MTUS2: variants seen among roughly 807,000 people sequenced by gnomAD.
MTUS2 encodes the protein microtubule-associated tumor suppressor candidate 2.
Under a neutral mutation model 114.1 loss-of-function variants are expected in MTUS2, and 40 were observed. That is an observed-to-expected ratio of 0.35 (90% CI 0.27 to 0.46). The LOEUF (loss-of-function observed/expected upper bound fraction) is 0.46, where lower values mean the gene tolerates loss of function less well. Among genes scored for constraint, MTUS2 ranks in the 20% least tolerant of loss-of-function variants. The pLI is 1.00. For synonymous variants in MTUS2, 688 were observed against 672.0 expected, an observed-to-expected ratio of 1.02 and a Z score of -0.37; for missense variants, 1,679 against 1,705.4, an observed-to-expected ratio of 0.98 and a Z score of 0.27.
At chr13:29,387,346 C>G (rs919837170) in intron 8 of MTUS2, among the ~76,000 whole-genome samples, 3 of 152,124 alleles carry the variant, frequency 2.0e-5, no homozygotes, top group Non-Finnish European at 4.4e-5. Context: ...GCTTCAGCAC[C>G]AAGCCCTGCG....
At chr13:29,463,764 C>G (rs1879687755) in intron 9 of MTUS2, among the ~76,000 whole-genome samples, 1 of 152,248 alleles carries the variant, frequency 6.6e-6, no homozygotes, top group South Asian at 2.1e-4. Context: ...TTCGGGGGGC[C>G]GAGGCGGGCA....
intron 6 of MTUS2, among the ~76,000 whole-genome samples, chr13:29,316,327 T>TG (rs1230620704): frequency 6.6e-6 from 1 of 151,814 alleles, no homozygotes; most frequent in Non-Finnish European, 1.5e-5. Context: ...GATGGAGATT[T>TG]TTTTACCAAA....
intron 5 of MTUS2, among the ~76,000 whole-genome samples, chr13:29,149,148 C>T (rs1248769658): frequency 6.6e-6 from 1 of 152,190 alleles, no homozygotes; most frequent in Non-Finnish European, 1.5e-5. Flanking sequence ...TTCTCACCAA[C>T]AGTGTAAAGG....
chr13:29,246,674 A>G (rs1896936849), intron 5 of MTUS2, among the ~76,000 whole-genome samples: 2 of 152,200 alleles, frequency 1.3e-5, no homozygotes, highest in Admixed American at 1.3e-4. Context: ...TTTTAAAGCA[A>G]TGGAGTCAAG....
chr13:28,982,055 A>G (rs1004817312), intron 2 of MTUS2, among the ~76,000 whole-genome samples: 9 of 152,204 alleles, frequency 5.9e-5, no homozygotes, highest in African/African-American at 2.2e-4. Context: ...GTGACAGAGG[A>G]TGCCAGTTAA....
chr13:29,468,862 C>A (rs1397766715), intron 9 of MTUS2, among the ~76,000 whole-genome samples: 1 of 152,158 alleles, frequency 6.6e-6, no homozygotes, highest in Non-Finnish European at 1.5e-5. Context: ...CCTCATGTCA[C>A]TGGGACATGA....
chr13:29,383,750 C>T (rs112463048), intron 8 of MTUS2, among the ~76,000 whole-genome samples: 4 of 92,256 alleles, frequency 4.3e-5, no homozygotes, highest in African/African-American at 1.2e-4. Context: ...CGGACTGTGC[C>T]AAGGGAGGGC....
intron 2 of MTUS2, among the ~76,000 whole-genome samples, chr13:28,917,664 A>C (rs546823699): frequency 6.6e-6 from 1 of 151,616 alleles, no homozygotes; most frequent in East Asian, 1.9e-4. Context: ...TTATTCTTTC[A>C]AAAAACCAAG....
chr13:29,130,798 G>C (rs948068769), intron 5 of MTUS2, among the ~76,000 whole-genome samples: 17 of 151,912 alleles, frequency 1.1e-4, no homozygotes, highest in Non-Finnish European at 2.5e-4. Context: ...GCTAATTTTT[G>C]TATTTTTAGT....
At position 29,407,263 on chromosome 13, in the gene MTUS2, G is replaced by T. The variant is rs1874830983; in HGVS notation, c.3118-32720G>T. Reference sequence around the variant, plus strand: ...TGCATCTCAAAAATAATAAGTAAAAGATATTTAGATTGTTTGGGTTTTCAC... The same window carrying T: ...TGCATCTCAAAAATAATAAGTAAAATATATTTAGATTGTTTGGGTTTTCAC... On this transcript the variant is annotated intron_variant, in intron 8 of 15. Coordinates refer to ENST00000612955, the MANE Select transcript of MTUS2 (RefSeq NM_001033602.4). 3.3e-5 allele frequency among the ~76,000 whole-genome samples: 5 copies of T among 151,880 alleles called. No individual in the cohort carries two copies. The South Asian group carries it at 1.0e-3, about 32-fold the overall frequency.
chr13:29,015,559 A>C (rs1267188190), intron 2 of MTUS2, among the ~76,000 whole-genome samples: 3 of 152,214 alleles, frequency 2.0e-5, no homozygotes, highest in Non-Finnish European at 4.4e-5. Flanking sequence ...GCAAATGTGC[A>C]TACCCGTTAA....
chr13:28,897,821 A>G (rs1259423545), intron 2 of MTUS2, among the ~76,000 whole-genome samples: 2 of 148,314 alleles, frequency 1.3e-5, no homozygotes, highest in Non-Finnish European at 3.0e-5. Flanking sequence ...CAAACACCGC[A>G]TGTTCTCACT....
intron 8 of MTUS2, among the ~76,000 whole-genome samples, chr13:29,402,583 G>A (rs1293154430): frequency 2.0e-5 from 3 of 152,146 alleles, no homozygotes; most frequent in Non-Finnish European, 4.4e-5. Flanking sequence ...AGGAACACCT[G>A]TTGCTGGAGG....
intron 4 of MTUS2, among the ~76,000 whole-genome samples, chr13:29,070,131 A>T (rs141290765): frequency 4.0e-4 from 61 of 152,328 alleles, no homozygotes; most frequent in African/African-American, 1.2e-3. Flanking sequence ...ACTGGACACC[A>T]GCTGTGCTGG....
intron 2 of MTUS2, among the ~76,000 whole-genome samples, chr13:28,980,628 A>T (rs111796194): frequency 6.6e-6 from 1 of 152,144 alleles, no homozygotes; most frequent in South Asian, 2.1e-4. Flanking sequence ...ATTGTTTCCA[A>T]TGTTTTTCTT....
At chr13:28,928,363 G>A (rs1404970967) in intron 2 of MTUS2, among the ~76,000 whole-genome samples, 1 of 152,092 alleles carries the variant, frequency 6.6e-6, no homozygotes, top group Non-Finnish European at 1.5e-5. Context: ...CACTTGACAA[G>A]GGATTAATAA....
At chr13:29,376,246 C>T (rs561396728) in intron 8 of MTUS2, among the ~76,000 whole-genome samples, 20 of 152,046 alleles carry the variant, frequency 1.3e-4, no homozygotes, top group African/African-American at 4.1e-4. Context: ...GGAGGTTGCA[C>T]GTAGATATGA....
intron 5 of MTUS2, among the ~76,000 whole-genome samples, chr13:29,185,106 T>C (rs1206743114): frequency 1.3e-5 from 2 of 152,068 alleles, no homozygotes; most frequent in Non-Finnish European, 1.5e-5. Context: ...AGGAATAGAA[T>C]AGAAAATCTA....
At chr13:29,473,533 A>G (rs573510208) in intron 9 of MTUS2, among the ~76,000 whole-genome samples, 3 of 152,224 alleles carry the variant, frequency 2.0e-5, no homozygotes, top group Non-Finnish European at 4.4e-5. Context: ...TTACTGGTTT[A>G]CACTAAGAAG....
Sources: gnomAD v4.1 joint callset for allele counts (sites outside exome capture counted in the v4.1 genomes callset) on GRCh38, gnomAD v4.1.1 for gene constraint, MANE v1.5 for transcripts, NCBI Gene and HGNC (gene_info 2026-07-23, HGNC 2026-07-21) for gene names.